NAA50: variants seen among roughly 807,000 people sequenced by gnomAD.
NAA50 encodes N-alpha-acetyltransferase 50, NatE catalytic subunit.
In NAA50, 7 loss-of-function variants were observed where a neutral mutation model predicts 20.7. The observed-to-expected ratio is 0.34, with a 90% CI of 0.19 to 0.63. The LOEUF is 0.63. Among genes scored for constraint, NAA50 ranks in the 30% least tolerant of loss-of-function variants. The pLI, the probability that NAA50 is intolerant of heterozygous loss-of-function variation, is 0.75. For missense variants in NAA50, 111 were observed against 199.1 expected (o/e 0.56, Z 2.66); for synonymous variants, 54 against 70.6 (o/e 0.77, Z 1.18).
At chr3:113,740,628 G>A (rs1708401390) in intron 1 of NAA50, among the ~76,000 whole-genome samples, 1 of 152,126 alleles carries the variant, frequency 6.6e-6, no homozygotes, top group South Asian at 2.1e-4. Context: ...CTCCTGCTTT[G>A]GCTTCCCAAA....
intron 1 of NAA50, among the ~76,000 whole-genome samples, chr3:113,734,114 A>T (rs1246606601): frequency 1.3e-5 from 2 of 152,200 alleles, no homozygotes; most frequent in African/African-American, 4.8e-5. Flanking sequence ...ATGGAATACT[A>T]CATAACCATA....
At chr3:113,745,871 C>T in intron 1 of NAA50, 71 bp downstream of exon 1, 3 of 1,535,704 alleles carry the variant, frequency 2.0e-6, no homozygotes, top group Admixed American at 2.0e-5. Context: ...GCCTTTGCGG[C>T]TCTCCCCCTC....
intron 1 of NAA50, among the ~76,000 whole-genome samples, chr3:113,744,557 A>G: frequency 6.6e-6 from 1 of 152,208 alleles, no homozygotes; most frequent in Non-Finnish European, 1.5e-5. Context: ...TATCTGAAAT[A>G]GCCAAACTTC....
intron 1 of NAA50, 110 bp from the exon 2 acceptor site, chr3:113,724,205 T>G: frequency 8.5e-7 from 1 of 1,174,134 alleles, no homozygotes; most frequent in South Asian, 2.9e-5. Flanking sequence ...ATCCAACTCT[T>G]TCAGAGTTGA....
Position 113,717,854 on chromosome 3 carries a change from A to C in NAA50, c.*3906T>G, listed in dbSNP as rs1332180492. 1.3e-5 allele frequency: 2 copies of C among 152,192 alleles called. No homozygotes were observed. The highest frequency in any genetic ancestry group is 4.8e-5 in the African/African-American group (2 of 41,434). The allele number at this position is 152,192 out of a possible 1,614,324, so 9.4% of individuals were successfully genotyped here. ...AAACTACTCCTTTTAGAGACTAATA[A>C]AACACAACCTAACCAAAACTACCCT... On this transcript the variant is annotated 3_prime_UTR_variant, in exon 5 of 5. Transcript: ENST00000240922.
rs924594737 is a variant in NAA50 at position 113,720,559 on chromosome 3, T to C, written c.*1201A>G. 1.3e-5 allele frequency: 2 copies of C among 152,600 alleles called. No individual in the cohort carries two copies. Among genetic ancestry groups the C allele is most frequent in the African/African-American group, 4.8e-5 (2 of 41,460 alleles). 9.5% of individuals were successfully genotyped at this position (152,600 alleles called of 1,614,324 possible). A position where few individuals can be genotyped will look rare whatever the true frequency, so the allele number is the denominator to read the frequency against. On this transcript the variant is annotated 3_prime_UTR_variant, in exon 5 of 5. Transcript: ENST00000240922. ...TATTATTAACATTTTACACTTCTATTTTTCCAAGAATAGAAGCAATATGTT... is the reference window on the plus strand; with the variant it reads ...TATTATTAACATTTTACACTTCTATCTTTCCAAGAATAGAAGCAATATGTT...
At chr3:113,745,401 G>C (rs761274706) in intron 1 of NAA50, among the ~76,000 whole-genome samples, 1 of 152,004 alleles carries the variant, frequency 6.6e-6, no homozygotes, top group African/African-American at 2.4e-5. Flanking sequence ...CACTCGCTGT[G>C]ACCCAACCCA....
rs1479496395 is a variant in NAA50 at position 113,718,927 on chromosome 3, T to A, written c.*2833A>T. The A allele has an allele frequency of 2.6e-5, 4 of 152,608 alleles. No homozygotes were observed. The highest frequency in any genetic ancestry group is 5.9e-5 in the Non-Finnish European group (4 of 68,028). 9.5% of individuals were successfully genotyped at this position (152,608 alleles called of 1,614,324 possible). ...AGTAAGGGAAACACTACACAATGAG[T>A]ATGTACGGTTGCTGGCTGCAGAATT... On this transcript the variant is annotated 3_prime_UTR_variant, in exon 5 of 5. Coordinates refer to ENST00000240922, the MANE Select transcript of NAA50 (RefSeq NM_025146.4).
At position 113,716,563 on chromosome 3, in the gene NAA50, T is replaced by C. The variant is rs1708051704; in HGVS notation, c.*5197A>G. 6.6e-6 allele frequency: 1 copy of C among 152,196 alleles called. No homozygotes were observed. Among genetic ancestry groups the C allele is most frequent in the South Asian group, 2.1e-4 (1 of 4,828 alleles). 9.4% of individuals were successfully genotyped at this position (152,196 alleles called of 1,614,324 possible). ...ACAGAAGATTTTTGATACTAGCAAATGTTTCTCAAAGATAAACTAGACAAG... is the reference window on the plus strand; with the variant it reads ...ACAGAAGATTTTTGATACTAGCAAACGTTTCTCAAAGATAAACTAGACAAG... On this transcript the variant is annotated 3_prime_UTR_variant, in exon 5 of 5. Coordinates refer to ENST00000240922, the MANE Select transcript of NAA50 (RefSeq NM_025146.4).
Position 113,721,582 on chromosome 3 carries a change from A to AT in NAA50, c.*177dup, listed in dbSNP as rs1237843331. On this transcript the variant is annotated 3_prime_UTR_variant, in exon 5 of 5. Coordinates refer to ENST00000240922, the MANE Select transcript of NAA50 (RefSeq NM_025146.4). ...AAGAGAAAACAATTCAAACATGATT[A>AT]TTTTTTTAAAGTCCTTGAAAGTATT... The AT allele has an allele frequency of 1.8e-5, 12 of 660,026 alleles. No homozygotes were observed. Among genetic ancestry groups the AT allele is most frequent in the Middle Eastern group, 4.2e-4 (1 of 2,376 alleles). 40.9% of individuals were successfully genotyped at this position (660,026 alleles called of 1,614,324 possible). A position where few individuals can be genotyped will look rare whatever the true frequency, so the allele number is the denominator to read the frequency against.
intron 1 of NAA50, among the ~76,000 whole-genome samples, chr3:113,729,529 C>T (rs867415977): frequency 8.9e-5 from 13 of 146,550 alleles, no homozygotes; most frequent in Admixed American, 7.5e-4. Flanking sequence ...TTCATTAATA[C>T]GCAGTTTTCT....
In NAA50 at chr3:113,746,161, G is replaced by A. The variant is rs1708498106; in HGVS notation, c.-212C>T. The A allele has an allele frequency of 5.3e-6, 3 of 567,152 alleles. No homozygotes were observed. The highest frequency in any genetic ancestry group is 9.1e-6 in the Non-Finnish European group (3 of 331,354). 35.1% of individuals were successfully genotyped at this position (567,152 alleles called of 1,614,324 possible). A position where few individuals can be genotyped will look rare whatever the true frequency, so the allele number is the denominator to read the frequency against. ...GAGTGTCTCCCGCCGCCGCGCTTGT[G>A]CCGCCGCTTCTCCACACGTGCACTC... On this transcript the variant is annotated 5_prime_UTR_variant, in exon 1 of 5. Transcript: ENST00000240922.
intron 1 of NAA50, among the ~76,000 whole-genome samples, chr3:113,739,978 C>A (rs1708392485): frequency 6.6e-6 from 1 of 152,108 alleles, no homozygotes; most frequent in South Asian, 2.1e-4. Context: ...GAAATCATTT[C>A]AACATGTAAT....
chr3:113,718,104 A>G lies in NAA50; in HGVS notation c.*3656T>C, dbSNP rs1049790280. On this transcript the variant is annotated 3_prime_UTR_variant, in exon 5 of 5. Transcript: ENST00000240922. ...AAGTATGGTTTCTGCTCACTTTCTT[A>G]TATCACCTGCTCTAGGGGAAGCCAC... The G allele has an allele frequency of 3.9e-5, 6 of 152,180 alleles. 1 individual carries two copies. The highest frequency in any genetic ancestry group is 3.8e-4 in the East Asian group (2 of 5,206). 9.4% of individuals were successfully genotyped at this position (152,180 alleles called of 1,614,324 possible).
rs549578477 is a variant in NAA50 at position 113,720,060 on chromosome 3, C to G, written c.*1700G>C. The G allele has an allele frequency of 1.3e-5, 2 of 152,720 alleles. No homozygotes were observed. Among genetic ancestry groups the G allele is most frequent in the South Asian group, 4.1e-4 (2 of 4,826 alleles). The allele number at this position is 152,720 out of a possible 1,614,324, so 9.5% of individuals were successfully genotyped here. The stretch of plus-strand genomic sequence containing the variant: ...AATACCCCCAAAAAACCAGCAAGGT[C>G]TTTCTACATTTTTACCATCTTAAGA... On this transcript the variant is annotated 3_prime_UTR_variant, in exon 5 of 5. Transcript: ENST00000240922.
chr3:113,740,609 C>T (rs1365058621), intron 1 of NAA50, among the ~76,000 whole-genome samples: 1 of 152,200 alleles, frequency 6.6e-6, no homozygotes, highest in Non-Finnish European at 1.5e-5. Flanking sequence ...CTCCTGGGCT[C>T]AAGTGATCCT....
Position 113,721,487 on chromosome 3 carries a change from G to C in NAA50, c.*273C>G, listed in dbSNP as rs1223366590. The C allele has an allele frequency of 2.2e-6, 1 of 451,710 alleles. No homozygotes were observed. The highest frequency in any genetic ancestry group is 3.9e-6 in the Non-Finnish European group (1 of 253,446). 28.0% of individuals were successfully genotyped at this position (451,710 alleles called of 1,614,324 possible). A position where few individuals can be genotyped will look rare whatever the true frequency, so the allele number is the denominator to read the frequency against. On this transcript the variant is annotated 3_prime_UTR_variant, in exon 5 of 5. Coordinates refer to ENST00000240922, the MANE Select transcript of NAA50 (RefSeq NM_025146.4). ...AATTATTTGACAATTAAATGTTTAG[G>C]ACCATCTAACTTCAACTGCAAAACT...
intron 1 of NAA50, among the ~76,000 whole-genome samples, chr3:113,733,103 T>C (rs1370284548): frequency 4.6e-5 from 7 of 152,044 alleles, no homozygotes. Flanking sequence ...TTTACACTAA[T>C]TTTGTACTCC....
intron 1 of NAA50, among the ~76,000 whole-genome samples, chr3:113,730,468 C>A (rs1243932577): frequency 6.7e-6 from 1 of 149,660 alleles, no homozygotes; most frequent in Non-Finnish European, 1.5e-5. Flanking sequence ...AAAAAAAAAA[C>A]TTTTTAAAGC....
Sources: allele counts gnomAD v4.1 joint callset (sites outside exome capture counted in the v4.1 genomes callset), GRCh38; gene constraint gnomAD v4.1.1; transcripts MANE v1.5; gene names NCBI Gene and HGNC (gene_info 2026-07-23, HGNC 2026-07-21).